The following GABRB1 variants were observed in gnomAD, a reference collection of about 807,000 sequenced individuals.
GABRB1 encodes gamma-aminobutyric acid receptor subunit beta-1.
Under a neutral mutation model 51.6 loss-of-function variants are expected in GABRB1, and 17 were observed. The observed-to-expected ratio is 0.33, with a 90% CI of 0.23 to 0.49. GABRB1 has a LOEUF of 0.49. Among genes scored for constraint, GABRB1 ranks in the 20% least tolerant of loss-of-function variants. The pLI is 0.99. For missense variants in GABRB1, 410 were observed against 600.6 expected (o/e 0.68, Z 3.32); for synonymous variants, 247 against 218.9 (o/e 1.13, Z -1.14).
intron 3 of GABRB1, among the ~76,000 whole-genome samples, chr4:47,057,035 G>T (rs1270881238): frequency 6.6e-6 from 1 of 152,166 alleles, no homozygotes; most frequent in Non-Finnish European, 1.5e-5. Flanking sequence ...GACCCTGGGA[G>T]ACGAGGTTGC....
chr4:47,136,688 G>T (rs879434957), intron 3 of GABRB1, among the ~76,000 whole-genome samples: 1 of 151,900 alleles, frequency 6.6e-6, no homozygotes, highest in African/African-American at 2.4e-5. Flanking sequence ...AAACCTTCCT[G>T]TTTAATCCAT....
intron 8 of GABRB1, among the ~76,000 whole-genome samples, chr4:47,418,329 A>T (rs1728992041): frequency 6.6e-6 from 1 of 152,216 alleles, no homozygotes; most frequent in Admixed American, 6.5e-5. Flanking sequence ...TTGATTTTGC[A>T]ATCTTTAGCC....
intron 3 of GABRB1, among the ~76,000 whole-genome samples, chr4:47,128,924 T>C (rs1381445789): frequency 6.6e-6 from 1 of 152,112 alleles, no homozygotes; most frequent in African/African-American, 2.4e-5. Context: ...CCGTACATTG[T>C]TGAACAAGTA....
rs992680982 is a variant in GABRB1 at position 47,225,923 on chromosome 4, T to C, written c.461+64454T>C. On this transcript the variant is annotated intron_variant, in intron 4 of 8. Coordinates refer to ENST00000295454, the MANE Select transcript of GABRB1 (RefSeq NM_000812.4). ...AAAATATCAAGCATTTTATTTTCTT[T>C]AAATAGGGTTAAATCTAACTTCAAC... is the stretch of plus-strand genomic sequence containing the variant. 9.2e-5 allele frequency among the ~76,000 whole-genome samples: 14 copies of C among 152,254 alleles called. 1 individual carries two copies. The highest frequency in any genetic ancestry group is 7.2e-4 in the Admixed American group (11 of 15,280).
chr4:47,369,175 T>C lies in GABRB1; in HGVS notation c.545-34143T>C, dbSNP rs118181952. Among the ~76,000 whole-genome samples the C allele has an allele frequency of 4.6e-5, 7 of 152,234 alleles. No individual in the cohort carries two copies. In the East Asian group the frequency reaches 1.4e-3, roughly 29 times the overall value. On this transcript the variant is annotated intron_variant, in intron 5 of 8. Transcript: ENST00000295454. ...ACAAAATTGACTAACTCTTAAGAAA[T>C]ATTAAATTTGTTCCCAATACTAACA...
intron 4 of GABRB1, among the ~76,000 whole-genome samples, chr4:47,309,555 T>A (rs1005344245): frequency 1.5e-4 from 23 of 152,100 alleles, no homozygotes; most frequent in African/African-American, 5.3e-4. Context: ...GTGATTTTTT[T>A]AAAGCATCCT....
At chr4:47,418,470 A>G (rs1728996555) in intron 8 of GABRB1, among the ~76,000 whole-genome samples, 1 of 152,196 alleles carries the variant, frequency 6.6e-6, no homozygotes, top group Non-Finnish European at 1.5e-5. Flanking sequence ...GCCCACCCAC[A>G]TTATCGAGGG....
chr4:47,032,092 G>T (rs1388954531), intron 2 of GABRB1, 87 bp downstream of exon 2: 1 of 746,424 alleles, frequency 1.3e-6, no homozygotes, highest in Non-Finnish European at 2.1e-6. Context: ...AAAAAGAAAA[G>T]GCATGTCATT....
At chr4:47,139,382 AG>A (rs956745199) in intron 3 of GABRB1, among the ~76,000 whole-genome samples, 3 of 152,118 alleles carry the variant, frequency 2.0e-5, no homozygotes. Flanking sequence ...CAACTTGTAA[AG>A]TTAAAATATT....
intron 4 of GABRB1, among the ~76,000 whole-genome samples, chr4:47,253,263 A>T (rs1722063508): frequency 6.6e-6 from 1 of 152,196 alleles, no homozygotes; most frequent in Non-Finnish European, 1.5e-5. Context: ...AAAAAGGAAG[A>T]GAGGTTGTTA....
chr4:47,322,246 A>G (rs181168679), intron 5 of GABRB1, among the ~76,000 whole-genome samples: 1 of 152,328 alleles, frequency 6.6e-6, no homozygotes, highest in East Asian at 1.9e-4. Flanking sequence ...AGATGCAACT[A>G]GTTGTCTAGA....
intron 4 of GABRB1, among the ~76,000 whole-genome samples, chr4:47,251,331 A>G (rs1721977969): frequency 6.6e-6 from 1 of 152,158 alleles, no homozygotes; most frequent in Non-Finnish European, 1.5e-5. Flanking sequence ...GATACCAGCA[A>G]CTGTTCCAGT....
At chr4:47,084,279 A>AACAT (rs377624812) in intron 3 of GABRB1, among the ~76,000 whole-genome samples, 18 of 152,304 alleles carry the variant, frequency 1.2e-4, no homozygotes, top group African/African-American at 3.6e-4. Context: ...TTGCAAGGCA[A>AACAT]ACATAGGCTA....
chr4:47,123,485 TA>T (rs1287626914), intron 3 of GABRB1, among the ~76,000 whole-genome samples: 10 of 110,436 alleles, frequency 9.1e-5, no homozygotes, highest in South Asian at 4.9e-4. Context: ...TATATTACAT[TA>T]TTTCATATAT....
intron 3 of GABRB1, among the ~76,000 whole-genome samples, chr4:47,053,285 A>AT (rs1242175907): frequency 6.6e-6 from 1 of 152,092 alleles, no homozygotes; most frequent in African/African-American, 2.4e-5. Flanking sequence ...ACAAAAATTT[A>AT]TTTTTTTCAC....
At position 47,091,001 on chromosome 4, in the gene GABRB1, A is replaced by G. The variant is rs1728267803; in HGVS notation, c.240+58517A>G. Among the ~76,000 whole-genome samples the G allele has an allele frequency of 2.0e-5, 3 of 152,264 alleles. No homozygotes were observed. The South Asian group carries it at 6.2e-4, about 32-fold the overall frequency. ...ATTCAATAGTACTACTCACATTATA[A>G]TATCATCAGCTCATGTTATTCCACA... On this transcript the variant is annotated intron_variant, in intron 3 of 8. Coordinates refer to ENST00000295454, the MANE Select transcript of GABRB1 (RefSeq NM_000812.4).
At chr4:47,095,415 G>T (rs528305971) in intron 3 of GABRB1, among the ~76,000 whole-genome samples, 1 of 152,258 alleles carries the variant, frequency 6.6e-6, no homozygotes, top group South Asian at 2.1e-4. Context: ...GAAAAGTACT[G>T]TCCCTGGCAA....
intron 3 of GABRB1, among the ~76,000 whole-genome samples, chr4:47,119,634 G>A (rs1715673006): frequency 6.6e-6 from 1 of 151,530 alleles, no homozygotes; most frequent in African/African-American, 2.4e-5. Flanking sequence ...TCAGCCTCCT[G>A]AGTAGCTGGG....
chr4:47,245,849 A>T (rs1485101938), intron 4 of GABRB1, among the ~76,000 whole-genome samples: 1 of 150,370 alleles, frequency 6.7e-6, no homozygotes, highest in African/African-American at 2.4e-5. Context: ...TTTTAATAAA[A>T]AGCTGCATAG....
Sources: gnomAD v4.1 joint callset for allele counts (sites outside exome capture counted in the v4.1 genomes callset) on GRCh38, gnomAD v4.1.1 for gene constraint, MANE v1.5 for transcripts, NCBI Gene and HGNC (gene_info 2026-07-23, HGNC 2026-07-21) for gene names.